The following DSC1 variants were observed in gnomAD, a reference collection of about 807,000 sequenced individuals.
DSC1 encodes desmocollin-1.
DSC1 carries 79 observed loss-of-function variants against 98.8 expected under a neutral mutation model. The ratio of observed to expected loss-of-function variants is 0.80; its 90% CI spans 0.67 to 0.96. The LOEUF (loss-of-function observed/expected upper bound fraction) is 0.96. Among genes scored for constraint, DSC1 ranks in the 50% least tolerant of loss-of-function variants. The pLI is 0.00. For synonymous variants in DSC1, 405 were observed against 372.1 expected (o/e 1.09, Z -1.02); for missense variants, 1,115 against 1,075.9 (o/e 1.04, Z -0.51).
chr18:31,135,794 A>T (rs950217631), intron 11 of DSC1, among the ~76,000 whole-genome samples: 3 of 152,178 alleles, frequency 2.0e-5, no homozygotes, highest in African/African-American at 7.2e-5. Flanking sequence ...AAATGATAAG[A>T]TATCAAAATT....
intron 14 of DSC1, 28 bp downstream of exon 14, chr18:31,132,538 CAA>C: frequency 6.2e-7 from 1 of 1,610,188 alleles, no homozygotes; most frequent in Non-Finnish European, 8.5e-7. Context: ...GTTCACCGTA[CAA>C]TTCAAAGGGA....
chr18:31,143,571 T>C, intron 8 of DSC1, 86 bp downstream of exon 8: 1 of 1,077,770 alleles, frequency 9.3e-7, no homozygotes, highest in South Asian at 2.6e-5. Context: ...TGTCAAACTT[T>C]GTGATCTCAC....
rs1988830114 is a variant in DSC1 at position 31,145,607 on chromosome 18, T to C, written c.939+4A>G. Reference sequence around the variant, plus strand: ...TGACTAGATAGTTAATTAATCATCATTACTTCTCTATCCAGAAAAGGTGTA... The same window carrying C: ...TGACTAGATAGTTAATTAATCATCACTACTTCTCTATCCAGAAAAGGTGTA... On this transcript the variant is annotated splice_donor_region_variant and intron_variant, in intron 7 of 15. Coordinates refer to ENST00000257198, the MANE Select transcript of DSC1 (RefSeq NM_024421.2). 1 of 1,613,668 alleles carries C rather than the reference T, an allele frequency of 6.2e-7. No homozygotes were observed. The highest frequency in any genetic ancestry group is 1.3e-5 in the African/African-American group (1 of 74,932).
intron 1 of DSC1, among the ~76,000 whole-genome samples, chr18:31,159,942 T>G (rs542605479): frequency 6.6e-6 from 1 of 152,308 alleles, no homozygotes; most frequent in Non-Finnish European, 1.5e-5. Flanking sequence ...TTTTACTATT[T>G]GAAGTTATAG....
Position 31,139,836 on chromosome 18 carries a change from G to T in DSC1, c.1575C>A (p.Gly525=). ...DNWFEINQHT[G]DLRTLKVLDR... is the part of the protein sequence containing the mutation. ...CTAGTACTTTTAGAGTTCTCAAGTCGCCAGTGTGTTGATTAATTTCAAACC... is the reference window on the plus strand; with the variant it reads ...CTAGTACTTTTAGAGTTCTCAAGTCTCCAGTGTGTTGATTAATTTCAAACC... The change falls in exon 11 of 16, where the codon GGC becomes GGA. Residue 525 remains glycine (G), a synonymous_variant. Transcript: ENST00000257198. The T allele has an allele frequency of 1.2e-6, 2 of 1,611,374 alleles. No individual in the cohort carries two copies. The highest frequency in any genetic ancestry group is 2.2e-5 in the East Asian group (1 of 44,822).
chr18:31,154,197 T>C (rs1989050856), intron 5 of DSC1, among the ~76,000 whole-genome samples: 1 of 151,336 alleles, frequency 6.6e-6, no homozygotes, highest in African/African-American at 2.4e-5. Flanking sequence ...AATGAATTGA[T>C]AAACTTGTTC....
intron 5 of DSC1, among the ~76,000 whole-genome samples, chr18:31,152,157 A>G (rs114472359): frequency 0.016 from 2,325 of 145,516 alleles, 67 homozygotes; most frequent in African/African-American, 0.055. Context: ...GTGACACCCT[A>G]TATCAAAAAA....
chr18:31,150,862 A>G (rs1198410824), intron 5 of DSC1: 3 of 152,224 alleles, frequency 2.0e-5, no homozygotes, highest in Non-Finnish European at 4.4e-5. Flanking sequence ...GAAGTACCTG[A>G]CACAGTAACA....
chr18:31,139,025 A>T (rs961357714), intron 11 of DSC1, among the ~76,000 whole-genome samples: 1 of 152,008 alleles, frequency 6.6e-6, no homozygotes, highest in Non-Finnish European at 1.5e-5. Flanking sequence ...TATGATGTAT[A>T]CATTAGTATA....
intron 9 of DSC1, 135 bp downstream of exon 9, chr18:31,141,864 G>A (rs1248394118): frequency 2.4e-6 from 2 of 842,418 alleles, no homozygotes; most frequent in Non-Finnish European, 3.4e-6. Context: ...AAACAACAAA[G>A]TTTATATAAA....
chr18:31,153,515 A>T (rs192723115), intron 5 of DSC1, among the ~76,000 whole-genome samples: 308 of 152,294 alleles, frequency 2.0e-3, no homozygotes, highest in Middle Eastern at 0.01. Flanking sequence ...AAAATTATAA[A>T]GAAAATATGC....
rs751943489 is a variant in DSC1, at chr18:31,154,936, T to C, written c.472-7A>G. On this transcript the variant is annotated splice_polypyrimidine_tract_variant and splice_region_variant and intron_variant, in intron 4 of 15. Transcript: ENST00000257198. ...GTGCAGCATCAGATTGGATCTGCAG[T>C]AATAATTTAGGAATAGAACAAATAC... 1.9e-6 allele frequency: 3 copies of C among 1,611,528 alleles called. No homozygotes were observed. The South Asian group carries it at 3.3e-5, about 18-fold the overall frequency.
chr18:31,130,914 A>G (rs916889918), intron 15 of DSC1: 1 of 1,379,764 alleles, frequency 7.2e-7, no homozygotes, highest in African/African-American at 1.5e-5. Context: ...AAATGCTTCT[A>G]GTGAGCACAT....
At chr18:31,158,168 T>C (rs1598631704) in intron 2 of DSC1, among the ~76,000 whole-genome samples, 2 of 152,020 alleles carry the variant, frequency 1.3e-5, no homozygotes, top group South Asian at 4.2e-4. Flanking sequence ...TCAGGAGGCT[T>C]AGTCAGGAGA....
At chr18:31,145,846 C>A (rs181001161) in intron 6 of DSC1, 69 bp from the exon 7 acceptor site, 12 of 1,513,508 alleles carry the variant, frequency 7.9e-6, no homozygotes, top group Non-Finnish European at 9.8e-6. Flanking sequence ...AAAATAAAAT[C>A]AAGGCATTGC....
rs1391618094 is a variant in DSC1, at chr18:31,162,518, T to C, written c.63+14A>G. On this transcript the variant is annotated intron_variant, in intron 1 of 15. Coordinates refer to ENST00000257198, the MANE Select transcript of DSC1 (RefSeq NM_024421.2). ...AACATGCTTGAATTCCCTAATCCTT[T>C]GGTTGTTACTCACCAGGAGAGAGAA... 1 of 1,613,674 alleles carries C rather than the reference T, an allele frequency of 6.2e-7. No homozygotes were observed. The highest frequency in any genetic ancestry group is 8.5e-7 in the Non-Finnish European group (1 of 1,179,634).
At chr18:31,137,285 A>G (rs992583083) in intron 11 of DSC1, among the ~76,000 whole-genome samples, 1 of 152,132 alleles carries the variant, frequency 6.6e-6, no homozygotes, top group Admixed American at 6.6e-5. Context: ...GTACATGACA[A>G]CCCTTAAATA....
rs562522994 is a variant in DSC1 at position 31,145,547 on chromosome 18, C to G, written c.939+64G>C. ...CCAGACTGGCCATATTGCAACTTCTCTCGGGAGTTCATTCTCAGTTTAAAT... is the reference window on the plus strand; with the variant it reads ...CCAGACTGGCCATATTGCAACTTCTGTCGGGAGTTCATTCTCAGTTTAAAT... On this transcript the variant is annotated intron_variant, in intron 7 of 15. Transcript: ENST00000257198. 5.7e-6 allele frequency: 9 copies of G among 1,577,252 alleles called. No homozygotes were observed. In the East Asian group the frequency reaches 2.0e-4, roughly 35 times the overall value.
intron 5 of DSC1, among the ~76,000 whole-genome samples, chr18:31,152,026 G>A (rs1989008995): frequency 6.6e-6 from 1 of 152,080 alleles, no homozygotes; most frequent in African/African-American, 2.4e-5. Context: ...GCTGGGCGTG[G>A]TGGTGGGCGC....
Sources: gnomAD v4.1 joint callset for allele counts (sites outside exome capture counted in the v4.1 genomes callset) on GRCh38, gnomAD v4.1.1 for gene constraint, MANE v1.5 for transcripts, NCBI Gene and HGNC (gene_info 2026-07-23, HGNC 2026-07-21) for gene names.